Variants in SLC35F3 observed in about 807,000 individuals in gnomAD.
SLC35F3 encodes solute carrier family 35 member F3.
SLC35F3 carries 25 observed loss-of-function variants against 49.9 expected under a neutral mutation model. The ratio of observed to expected loss-of-function variants is 0.50; its 90% CI spans 0.37 to 0.70. The LOEUF (loss-of-function observed/expected upper bound fraction) is 0.70. Ranked by LOEUF, SLC35F3 falls within the 30% of genes least tolerant of loss-of-function variation. The pLI, the probability that SLC35F3 is intolerant of heterozygous loss-of-function variation, is 0.00. For synonymous variants in SLC35F3, 275 were observed against 265.4 expected (o/e 1.04, Z -0.35); for missense variants, 525 against 639.8 (o/e 0.82, Z 1.94).
Position 234,281,078 on chromosome 1 carries a change from G to T in SLC35F3, c.609-28023G>T, listed in dbSNP as rs544072460. On this transcript the variant is annotated intron_variant, in intron 3 of 7. Transcript: ENST00000366618. ...TTATGTGAGTGTTATGGGCTAAATT[G>T]TGTCCCCCCCCCATGCTCAAATTCA... Among the ~76,000 whole-genome samples the T allele has an allele frequency of 4.0e-3, 593 of 147,052 alleles. 8 individuals are homozygous for T. Among genetic ancestry groups the T allele is most frequent in the African/African-American group, 0.015 (569 of 38,300 alleles).
intron 2 of SLC35F3, among the ~76,000 whole-genome samples, chr1:234,131,326 TC>T (rs751778993): frequency 6.6e-6 from 1 of 152,198 alleles, no homozygotes; most frequent in African/African-American, 2.4e-5. Flanking sequence ...TGTTTCTGTT[TC>T]TTCTCCGTAG....
At chr1:234,199,991 C>G (rs904661615) in intron 2 of SLC35F3, among the ~76,000 whole-genome samples, 1 of 152,126 alleles carries the variant, frequency 6.6e-6, no homozygotes, top group Non-Finnish European at 1.5e-5. Context: ...TAATAGCACA[C>G]GTTTGGTGAA....
intron 3 of SLC35F3, among the ~76,000 whole-genome samples, chr1:234,249,210 G>T (rs1030726268): frequency 1.3e-5 from 2 of 152,144 alleles, no homozygotes; most frequent in Admixed American, 6.5e-5. Context: ...TGCATGAATG[G>T]TCTCATCCTT....
intron 2 of SLC35F3, among the ~76,000 whole-genome samples, chr1:233,950,911 C>T (rs1174465066): frequency 1.3e-5 from 2 of 152,010 alleles, no homozygotes; most frequent in Non-Finnish European, 2.9e-5. Flanking sequence ...TTTGACTGAA[C>T]AAACCTTCTA....
chr1:234,054,275 C>T (rs1490699049), intron 2 of SLC35F3, among the ~76,000 whole-genome samples: 2 of 152,242 alleles, frequency 1.3e-5, no homozygotes, highest in East Asian at 3.8e-4. Flanking sequence ...CTTTCAGGTA[C>T]ACCATTCAGA....
At chr1:234,189,985 G>A (rs1666707377) in intron 2 of SLC35F3, among the ~76,000 whole-genome samples, 1 of 152,240 alleles carries the variant, frequency 6.6e-6, no homozygotes, top group South Asian at 2.1e-4. Flanking sequence ...ATAAATGAAG[G>A]AAAGATAGTC....
chr1:234,052,600 A>G (rs573396116), intron 2 of SLC35F3, among the ~76,000 whole-genome samples: 2 of 151,968 alleles, frequency 1.3e-5, no homozygotes, highest in African/African-American at 4.8e-5. Flanking sequence ...TCCTGGATTC[A>G]TTGATTTTTT....
chr1:234,237,993 T>C (rs917459828), intron 3 of SLC35F3, among the ~76,000 whole-genome samples: 6 of 152,244 alleles, frequency 3.9e-5, no homozygotes, highest in African/African-American at 1.4e-4. Context: ...CATGAGCCAC[T>C]GCACCCAGCC....
intron 2 of SLC35F3, among the ~76,000 whole-genome samples, chr1:234,062,105 C>T (rs1225789445): frequency 2.0e-5 from 3 of 152,208 alleles, no homozygotes; most frequent in Non-Finnish European, 4.4e-5. Flanking sequence ...TGTTGTAACT[C>T]TGAGTACTTC....
intron 2 of SLC35F3, among the ~76,000 whole-genome samples, chr1:233,912,490 CAAAG>C (rs879790511): frequency 0.11 from 16,701 of 151,750 alleles, 1,137 homozygotes; most frequent in East Asian, 0.17. Flanking sequence ...AACAAACAAA[CAAAG>C]AAACAAACAA....
At chr1:234,105,131 A>G (rs1665266430) in intron 2 of SLC35F3, among the ~76,000 whole-genome samples, 1 of 152,008 alleles carries the variant, frequency 6.6e-6, no homozygotes. Flanking sequence ...CCGTTAAAAA[A>G]AAAAAAAAAA....
chr1:234,194,362 G>A (rs988590447), intron 2 of SLC35F3, among the ~76,000 whole-genome samples: 4 of 152,116 alleles, frequency 2.6e-5, no homozygotes, highest in African/African-American at 4.8e-5. Context: ...AACAAACATC[G>A]CATGTTCTCA....
chr1:234,015,553 T>A (rs1425143884), intron 2 of SLC35F3, among the ~76,000 whole-genome samples: 1 of 152,080 alleles, frequency 6.6e-6, no homozygotes, highest in Non-Finnish European at 1.5e-5. Context: ...GAACACACTA[T>A]GGGGGAAAGG....
intron 2 of SLC35F3, among the ~76,000 whole-genome samples, chr1:234,197,453 G>A (rs1274428411): frequency 6.6e-6 from 1 of 152,232 alleles, no homozygotes; most frequent in Middle Eastern, 3.2e-3. Flanking sequence ...AGAGAGTTCG[G>A]TTAAGGAGAG....
At chr1:234,199,247 G>A (rs1432687574) in intron 2 of SLC35F3, among the ~76,000 whole-genome samples, 1 of 150,896 alleles carries the variant, frequency 6.6e-6, no homozygotes, top group Non-Finnish European at 1.5e-5. Flanking sequence ...AAAACGAAAA[G>A]AAAAAAAACA....
intron 2 of SLC35F3, among the ~76,000 whole-genome samples, chr1:234,130,449 G>C (rs2102897951): frequency 6.9e-6 from 1 of 145,820 alleles, no homozygotes; most frequent in South Asian, 2.2e-4. Context: ...GGCCATCCTG[G>C]CTAACACGGT....
chr1:233,986,948 G>A (rs1663274493), intron 2 of SLC35F3, among the ~76,000 whole-genome samples: 1 of 152,000 alleles, frequency 6.6e-6, no homozygotes, highest in Non-Finnish European at 1.5e-5. Context: ...TTTTGTATGT[G>A]TGTTCTTTCT....
chr1:233,998,303 A>T (rs1663495089), intron 2 of SLC35F3, among the ~76,000 whole-genome samples: 1 of 152,022 alleles, frequency 6.6e-6, no homozygotes, highest in South Asian at 2.1e-4. Flanking sequence ...GGGATTTGTC[A>T]TATGTGTTGC....
intron 2 of SLC35F3, among the ~76,000 whole-genome samples, chr1:234,098,665 CG>C (rs1558228908): frequency 1.9e-5 from 2 of 107,164 alleles, no homozygotes; most frequent in Non-Finnish European, 3.8e-5. Context: ...GTGGTAGTGA[CG>C]GTGTTATAGG....
Sources: allele counts gnomAD v4.1 joint callset (sites outside exome capture counted in the v4.1 genomes callset), GRCh38; gene constraint gnomAD v4.1.1; transcripts MANE v1.5; gene names NCBI Gene and HGNC (gene_info 2026-07-23, HGNC 2026-07-21).